The following CRYBG3 variants were observed in gnomAD, a reference collection of about 807,000 sequenced individuals.
The protein encoded by CRYBG3 is crystallin beta-gamma domain containing 3.
In CRYBG3, 127 loss-of-function variants were observed where a neutral mutation model predicts 244.2. That is an observed-to-expected ratio of 0.52 (90% CI 0.45 to 0.60). The LOEUF (loss-of-function observed/expected upper bound fraction) is 0.60, where lower values mean the gene tolerates loss of function less well. Among genes scored for constraint, CRYBG3 ranks in the 20% least tolerant of loss-of-function variants. CRYBG3 has a pLI of 0.00. For synonymous variants in CRYBG3, 1,132 were observed against 1,195.8 expected (o/e 0.95, Z 1.10); for missense variants, 3,325 against 3,442.5 (o/e 0.97, Z 0.85).
intron 1 of CRYBG3, chr3:97,837,230 GTAT>G (rs1265549933): frequency 6.6e-6 from 1 of 152,204 alleles, no homozygotes; most frequent in African/African-American, 2.4e-5. Flanking sequence ...GAAGACTGGG[GTAT>G]TATTTGATCA....
At chr3:97,917,164 A>C (rs2039937436) in intron 17 of CRYBG3, among the ~76,000 whole-genome samples, 1 of 152,176 alleles carries the variant, frequency 6.6e-6, no homozygotes, top group African/African-American at 2.4e-5. Flanking sequence ...GGTCAAAATT[A>C]GTGTTACTAT....
chr3:97,876,816 A>C lies in CRYBG3; in HGVS notation c.5622A>C (p.Gly1874=), dbSNP rs1017387491. The C allele has an allele frequency of 7.5e-7, 1 of 1,327,174 alleles. No homozygotes were observed. The highest frequency in any genetic ancestry group is 9.6e-7 in the Non-Finnish European group (1 of 1,042,142). The allele number at this position is 1,327,174 out of a possible 1,614,324, so 82.2% of individuals were successfully genotyped here. The stretch of plus-strand genomic sequence containing the variant: ...TGGTAGACATTGAGAAAATACATGG[A>C]ACAGGACTAGAATTGACCACTAAAC... The part of the protein sequence containing the change: ...PAVVDIEKIH[G]TGLELTTKQG... Residue 1874 remains glycine (G), a synonymous_variant, in exon 4 of 22, where the codon GGA becomes GGC. Transcript: ENST00000389622.
At chr3:97,868,580 T>G (rs1489070230) in intron 3 of CRYBG3, among the ~76,000 whole-genome samples, 1 of 152,164 alleles carries the variant, frequency 6.6e-6, no homozygotes, top group Non-Finnish European at 1.5e-5. Context: ...AGTTAGAAAT[T>G]TAAACCAGTG....
intron 2 of CRYBG3, among the ~76,000 whole-genome samples, chr3:97,860,302 G>A (rs766798701): frequency 9.2e-5 from 14 of 152,126 alleles, no homozygotes; most frequent in African/African-American, 1.4e-4. Context: ...GATAAAAATC[G>A]TTGGCCTTGT....
At chr3:97,871,542 C>T (rs2039302120) in intron 3 of CRYBG3, among the ~76,000 whole-genome samples, 1 of 152,064 alleles carries the variant, frequency 6.6e-6, no homozygotes, top group African/African-American at 2.4e-5. Context: ...AGAACTAGGA[C>T]CCAAGGCTTG....
intron 3 of CRYBG3, among the ~76,000 whole-genome samples, chr3:97,865,259 A>G (rs1053273818): frequency 1.3e-5 from 2 of 152,174 alleles, no homozygotes; most frequent in African/African-American, 2.4e-5. Context: ...AGTCCATTCA[A>G]TATTTTGTGT....
intron 2 of CRYBG3, among the ~76,000 whole-genome samples, chr3:97,844,527 A>C (rs376128356): frequency 7.2e-4 from 110 of 151,844 alleles, no homozygotes; most frequent in African/African-American, 2.4e-3. Flanking sequence ...TCCCTTGTTG[A>C]CTCTGTACTC....
At position 97,874,163 on chromosome 3, in the gene CRYBG3, T is replaced by C. The variant is rs1191487655; in HGVS notation, c.2969T>C (p.Leu990Ser). The change falls in exon 4 of 22, where the codon TTA becomes TCA. Residue 990 changes from leucine to serine, a missense_variant. Leu to Ser is a moderately radical substitution (Grantham distance 145). Coordinates refer to ENST00000389622, the MANE Select transcript of CRYBG3 (RefSeq NM_153605.4). Reference protein sequence around the residue: ...SGHSEMAELSLTNISPKFQET... With the variant: ...SGHSEMAELSSTNISPKFQET... ...CACTCAGAAATGGCGGAACTCAGCT[T>C]AACTAATATTTCCCCTAAATTCCAA... 6.5e-7 allele frequency: 1 copy of C among 1,531,446 alleles called. No individual in the cohort carries two copies. The highest frequency in any genetic ancestry group is 8.7e-7 in the Non-Finnish European group (1 of 1,145,708). 94.9% of individuals were successfully genotyped at this position (1,531,446 alleles called of 1,614,324 possible). A position where few individuals can be genotyped will look rare whatever the true frequency, so the allele number is the denominator to read the frequency against.
rs886724822 is a variant in CRYBG3 at position 97,936,791 on chromosome 3, A to C, written c.8388A>C (p.Ile2796=). The change falls in exon 19 of 22, where the codon ATA becomes ATC. Residue 2796 remains isoleucine (I), a synonymous_variant. Coordinates refer to ENST00000389622, the MANE Select transcript of CRYBG3 (RefSeq NM_153605.4). ...QSVWVKSGLW[I]AYEGSNFLGR... ...TTCTTTCTTGTTCTCATAGATGGAT[A>C]GCTTATGAAGGATCCAATTTCTTGG... is the stretch of plus-strand genomic sequence containing the variant. 1 of 1,611,810 alleles carries C rather than the reference A, an allele frequency of 6.2e-7. No individual in the cohort carries two copies. Among genetic ancestry groups the C allele is most frequent in the Admixed American group, 1.7e-5 (1 of 59,572 alleles).
At chr3:97,843,086 T>G (rs2038845644) in intron 1 of CRYBG3, 109 bp from the exon 2 acceptor site, 1 of 632,006 alleles carries the variant, frequency 1.6e-6, no homozygotes, top group African/African-American at 1.8e-5. Context: ...TGTATCAATC[T>G]TTGAGCATTG....
chr3:97,849,757 G>A (rs1162184451), intron 2 of CRYBG3, among the ~76,000 whole-genome samples: 2 of 152,150 alleles, frequency 1.3e-5, no homozygotes, highest in Non-Finnish European at 2.9e-5. Flanking sequence ...GCCTTTACAG[G>A]TGTCAGATAC....
rs2039670920 is a variant in CRYBG3, at chr3:97,898,907, C to T, written c.7726C>T (p.Leu2576=). ...QANFIESSVT[L]FESDLESGKF... The stretch of plus-strand genomic sequence containing the variant: ...GAATTTTATAGAATCTTCTGTCACA[C>T]TATTTGAATCTGACCTAGAAAGTGG... The change falls in exon 13 of 22, where the codon CTA becomes TTA. Residue 2576 remains leucine (L), a synonymous_variant. Coordinates refer to ENST00000389622, the MANE Select transcript of CRYBG3 (RefSeq NM_153605.4). 1 of 1,595,868 alleles carries T rather than the reference C, an allele frequency of 6.3e-7. No homozygotes were observed. The highest frequency in any genetic ancestry group is 8.5e-7 in the Non-Finnish European group (1 of 1,171,590).
At chr3:97,896,933 T>C (rs974950263) in intron 12 of CRYBG3, among the ~76,000 whole-genome samples, 1 of 152,096 alleles carries the variant, frequency 6.6e-6, no homozygotes, top group African/African-American at 2.4e-5. Flanking sequence ...TTTGGAAAGA[T>C]GAATCTAAAG....
At chr3:97,889,859 T>C (rs1367925138) in intron 10 of CRYBG3, among the ~76,000 whole-genome samples, 1 of 151,890 alleles carries the variant, frequency 6.6e-6, no homozygotes, top group African/African-American at 2.4e-5. Context: ...GGCGAGGCAA[T>C]GAAAATGGGT....
intron 16 of CRYBG3, among the ~76,000 whole-genome samples, chr3:97,913,781 C>G (rs781066715): frequency 9.9e-5 from 15 of 151,958 alleles, no homozygotes; most frequent in Non-Finnish European, 1.6e-4. Flanking sequence ...TTAATACTTA[C>G]GTTTAGGATA....
chr3:97,871,638 G>A (rs1264093508), intron 3 of CRYBG3, among the ~76,000 whole-genome samples: 3 of 152,092 alleles, frequency 2.0e-5, no homozygotes, highest in African/African-American at 4.8e-5. Flanking sequence ...CATTCTTCAT[G>A]CTGCATTGAC....
rs554260436 is a variant in CRYBG3 at position 97,915,887 on chromosome 3, G to A, written c.8241+151G>A. On this transcript the variant is annotated intron_variant, in intron 17 of 21. Transcript: ENST00000389622. ...TAATTCATTTGTCAATCGTAAAACT[G>A]AGGTTCATTCATGAACTCCAACAAA... 21 of 640,132 alleles carry A rather than the reference G, an allele frequency of 3.3e-5. No individual in the cohort carries two copies. In the South Asian group the frequency reaches 6.6e-4, roughly 20 times the overall value. 39.7% of individuals were successfully genotyped at this position (640,132 alleles called of 1,614,324 possible). A position where few individuals can be genotyped will look rare whatever the true frequency, so the allele number is the denominator to read the frequency against.
intron 1 of CRYBG3, among the ~76,000 whole-genome samples, chr3:97,828,640 A>G (rs1196349894): frequency 1.3e-5 from 2 of 151,962 alleles, no homozygotes; most frequent in African/African-American, 4.8e-5. Flanking sequence ...CAGCCTGACC[A>G]ACATAGTGAA....
At chr3:97,827,577 T>C (rs1468042428) in intron 1 of CRYBG3, among the ~76,000 whole-genome samples, 2 of 152,184 alleles carry the variant, frequency 1.3e-5, no homozygotes, top group African/African-American at 2.4e-5. Flanking sequence ...GTGTTTGTTT[T>C]CTTTCTTCCT....
Sources: allele counts gnomAD v4.1 joint callset (sites outside exome capture counted in the v4.1 genomes callset), GRCh38; gene constraint gnomAD v4.1.1; transcripts MANE v1.5; gene names NCBI Gene and HGNC (gene_info 2026-07-23, HGNC 2026-07-21).